The following NT5DC1 variants were observed in gnomAD, a reference collection of about 807,000 sequenced individuals.
The protein encoded by NT5DC1 is 5'-nucleotidase domain containing 1, also known as 5'-nucleotidase domain-containing protein 1.
NT5DC1 carries 42 observed loss-of-function variants against 59.4 expected under a neutral mutation model. The ratio of observed to expected loss-of-function variants is 0.71; its 90% CI spans 0.55 to 0.92. The LOEUF is 0.92. Among genes scored for constraint, NT5DC1 ranks in the 40% least tolerant of loss-of-function variants. NT5DC1 has a pLI of 0.00. For missense variants in NT5DC1, 501 were observed against 537.1 expected (o/e 0.93, Z 0.66); for synonymous variants, 172 against 188.1 (o/e 0.91, Z 0.70).
intron 5 of NT5DC1, 95 bp from the exon 6 acceptor site, chr6:116,117,766 C>T (rs567345383): frequency 4.4e-6 from 3 of 682,028 alleles, no homozygotes; most frequent in African/African-American, 3.6e-5. Flanking sequence ...CATCTTAAGT[C>T]AGGGACTGTC....
At chr6:116,150,893 C>T (rs1780021692) in intron 6 of NT5DC1, among the ~76,000 whole-genome samples, 1 of 151,928 alleles carries the variant, frequency 6.6e-6, no homozygotes, top group Non-Finnish European at 1.5e-5. Flanking sequence ...CATATTTAAC[C>T]ATTACATAGG....
At chr6:116,240,027 G>A (rs1771667988) in intron 11 of NT5DC1, among the ~76,000 whole-genome samples, 1 of 152,116 alleles carries the variant, frequency 6.6e-6, no homozygotes, top group South Asian at 2.1e-4. Context: ...ATTAGACACA[G>A]ATGAAAAGTC....
At chr6:116,120,545 C>T (rs1431050209) in intron 6 of NT5DC1, 2 of 1,613,464 alleles carry the variant, frequency 1.2e-6, no homozygotes, top group African/African-American at 2.7e-5. Context: ...CTTTATAAAA[C>T]CCTCAGGCAT....
intron 6 of NT5DC1, among the ~76,000 whole-genome samples, chr6:116,150,654 G>A (rs1780016959): frequency 6.6e-6 from 1 of 152,136 alleles, no homozygotes. Flanking sequence ...TGAGTTTTAG[G>A]TACTTTACCT....
At chr6:116,161,821 T>C (rs1780339580) in intron 6 of NT5DC1, among the ~76,000 whole-genome samples, 1 of 152,228 alleles carries the variant, frequency 6.6e-6, no homozygotes, top group Non-Finnish European at 1.5e-5. Flanking sequence ...CTTTGGGCAG[T>C]ATAGTCATTT....
intron 11 of NT5DC1, 46 bp from the exon 12 acceptor site, chr6:116,243,863 G>T (rs758085800): frequency 1.4e-6 from 1 of 698,388 alleles, no homozygotes; most frequent in Non-Finnish European, 2.5e-6. Context: ...TTTATGAAAG[G>T]CATTCAGAGA....
At chr6:116,220,928 C>A in intron 6 of NT5DC1, 126 bp from the exon 7 acceptor site, 1 of 561,568 alleles carries the variant, frequency 1.8e-6, no homozygotes, top group South Asian at 2.7e-5. Context: ...ATTGCTAGGT[C>A]GGTCAAACCT....
chr6:116,181,517 A>G (rs1562153825), intron 6 of NT5DC1, among the ~76,000 whole-genome samples: 1 of 152,124 alleles, frequency 6.6e-6, no homozygotes, highest in Non-Finnish European at 1.5e-5. Context: ...TAATCCCATT[A>G]TAGGATATCT....
At chr6:116,104,329 G>A (rs1016789095) in intron 1 of NT5DC1, among the ~76,000 whole-genome samples, 7 of 152,152 alleles carry the variant, frequency 4.6e-5, no homozygotes, top group African/African-American at 1.2e-4. Flanking sequence ...CCCTGTTGGC[G>A]TCTCTGATGG....
At chr6:116,166,278 C>T (rs1057366456) in intron 6 of NT5DC1, among the ~76,000 whole-genome samples, 1 of 152,188 alleles carries the variant, frequency 6.6e-6, no homozygotes, top group Non-Finnish European at 1.5e-5. Context: ...GACCATTCAT[C>T]TATGTCTTTG....
intron 6 of NT5DC1, chr6:116,120,695 G>A: frequency 1.3e-6 from 2 of 1,551,888 alleles, no homozygotes; most frequent in South Asian, 1.3e-5. Context: ...TGGGCCAGGA[G>A]GACCGGGACT....
At chr6:116,169,471 T>C (rs1562148558) in intron 6 of NT5DC1, among the ~76,000 whole-genome samples, 2 of 152,222 alleles carry the variant, frequency 1.3e-5, no homozygotes, top group Non-Finnish European at 2.9e-5. Context: ...CAGAATATCA[T>C]GATAGGTGCC....
chr6:116,132,740 G>T (rs1403295756), intron 6 of NT5DC1, among the ~76,000 whole-genome samples: 2 of 152,114 alleles, frequency 1.3e-5, no homozygotes, highest in Admixed American at 1.3e-4. Context: ...CCCTGTTCTG[G>T]CAGGATACTG....
chr6:116,182,896 A>G (rs1357233449), intron 6 of NT5DC1, among the ~76,000 whole-genome samples: 5 of 151,908 alleles, frequency 3.3e-5, no homozygotes, highest in African/African-American at 9.7e-5. Flanking sequence ...CCATCTATTT[A>G]TCTTTGCTTT....
At chr6:116,172,922 T>C (rs1318098336) in intron 6 of NT5DC1, among the ~76,000 whole-genome samples, 4 of 152,188 alleles carry the variant, frequency 2.6e-5, no homozygotes, top group East Asian at 3.8e-4. Context: ...TTCTACAGTT[T>C]CACATTGCAG....
rs1771883186 is a variant in NT5DC1, at chr6:116,248,058, T to A, written c.*4034T>A. ...GATAAAATGTACCCTTCTCAAAGGC[T>A]ATTCATGAATAAGCATAACCTTCAA... is the stretch of plus-strand genomic sequence containing the variant. On this transcript the variant is annotated 3_prime_UTR_variant, in exon 12 of 12. Coordinates refer to ENST00000319550, the MANE Select transcript of NT5DC1 (RefSeq NM_152729.3). The A allele has an allele frequency of 6.6e-6, 1 of 152,228 alleles. No homozygotes were observed. The highest frequency in any genetic ancestry group is 2.1e-4 in the South Asian group (1 of 4,834). 9.4% of individuals were successfully genotyped at this position (152,228 alleles called of 1,614,324 possible).
At chr6:116,135,876 CACAT>C (rs1779588086) in intron 6 of NT5DC1, among the ~76,000 whole-genome samples, 1 of 119,796 alleles carries the variant, frequency 8.3e-6, no homozygotes, top group African/African-American at 3.2e-5. Context: ...TATATATACA[CACAT>C]ACACACACAT....
chr6:116,134,559 A>G (rs1779542249), intron 6 of NT5DC1, among the ~76,000 whole-genome samples: 1 of 152,146 alleles, frequency 6.6e-6, no homozygotes, highest in Non-Finnish European at 1.5e-5. Context: ...TTCCATGTTT[A>G]TTGAGGTGGA....
chr6:116,228,916 G>C (rs1306877837), intron 8 of NT5DC1, among the ~76,000 whole-genome samples: 2 of 151,822 alleles, frequency 1.3e-5, no homozygotes, highest in African/African-American at 4.8e-5. Context: ...TCTACCACTG[G>C]GAAGCTTTTA....
Sources: gnomAD v4.1 joint callset for allele counts (sites outside exome capture counted in the v4.1 genomes callset) on GRCh38, gnomAD v4.1.1 for gene constraint, MANE v1.5 for transcripts, NCBI Gene and HGNC (gene_info 2026-07-23, HGNC 2026-07-21) for gene names.